WDR41: variants seen among roughly 807,000 people sequenced by gnomAD.
The protein encoded by WDR41 is WD repeat-containing protein 41.
In WDR41, 63 loss-of-function variants were observed where a neutral mutation model predicts 69.3. The observed-to-expected ratio is 0.91, with a 90% CI of 0.74 to 1.12. The LOEUF is 1.12. Among genes scored for constraint, WDR41 ranks in the 50% most tolerant of loss-of-function variants. WDR41 has a pLI of 0.00. For synonymous variants in WDR41, 185 were observed against 192.1 expected, an observed-to-expected ratio of 0.96 and a Z score of 0.31; for missense variants, 543 against 534.5, an observed-to-expected ratio of 1.02 and a Z score of -0.16.
chr5:77,505,609 A>C (rs1281175068), intron 1 of WDR41, among the ~76,000 whole-genome samples: 4 of 152,352 alleles, frequency 2.6e-5, no homozygotes, highest in East Asian at 3.9e-4. Flanking sequence ...ACAAAGCTGG[A>C]GGCATCATGC....
At chr5:77,467,849 A>T (rs893464175) in intron 2 of WDR41, among the ~76,000 whole-genome samples, 1 of 152,048 alleles carries the variant, frequency 6.6e-6, no homozygotes. Context: ...AAACTTAAAA[A>T]TTTAAAACCC....
chr5:77,537,719 G>A (rs1743013309), intron 1 of WDR41, among the ~76,000 whole-genome samples: 1 of 152,100 alleles, frequency 6.6e-6, no homozygotes, highest in South Asian at 2.1e-4. Context: ...CCCTGGGAGG[G>A]TCGGTCTCTC....
upstream of WDR41, among the ~76,000 whole-genome samples, chr5:77,496,947 C>T (rs1801944204): frequency 6.6e-6 from 1 of 152,106 alleles, no homozygotes; most frequent in Non-Finnish European, 1.5e-5. Context: ...TAAACTCTTA[C>T]ATATATGGTC....
intron 1 of WDR41, among the ~76,000 whole-genome samples, chr5:77,544,591 T>C (rs1457505366): frequency 6.6e-6 from 1 of 152,046 alleles, no homozygotes; most frequent in Non-Finnish European, 1.5e-5. Flanking sequence ...TATATAATAA[T>C]AAAAGGCCTT....
rs748176103 is a variant in WDR41 at position 77,489,514 on chromosome 5, A to G, written c.110T>C (p.Leu37Pro). 3.7e-6 allele frequency: 6 copies of G among 1,611,474 alleles called. No individual in the cohort carries two copies. The Admixed American group carries it at 5.0e-5, about 13-fold the overall frequency. The change falls in exon 2 of 13, where the codon CTA (leucine) becomes CCA (proline). Residue 37 changes from leucine (L) to proline (P), a missense_variant. Transcript: ENST00000296679. ...AATATCATGATGAGCCTTCAGTACT[A>G]GCAGTTCAGTGTAGGGATTCTGGGT... is the stretch of plus-strand genomic sequence containing the variant. ...EQTQNPYTEL[L>P]VLKAHHDIVR...
chr5:77,522,741 A>C (rs894687256), intron 1 of WDR41, among the ~76,000 whole-genome samples: 1 of 152,144 alleles, frequency 6.6e-6, no homozygotes, highest in Non-Finnish European at 1.5e-5. Flanking sequence ...AGTTCTCCAA[A>C]GGGGGCAACT....
At chr5:77,564,652 C>A (rs1033136844) in intron 1 of WDR41, among the ~76,000 whole-genome samples, 3 of 152,088 alleles carry the variant, frequency 2.0e-5, no homozygotes, top group African/African-American at 7.2e-5. Flanking sequence ...TCTTTTATCT[C>A]TCTGTACATA....
At chr5:77,512,725 A>C (rs113150509) in intron 1 of WDR41, among the ~76,000 whole-genome samples, 624 of 135,554 alleles carry the variant, frequency 4.6e-3, no homozygotes, top group African/African-American at 0.017. Context: ...TAGCCTGGCG[A>C]GAGAGCGAAG....
intron 1 of WDR41, chr5:77,540,609 G>T (rs1385984652): frequency 6.6e-6 from 1 of 152,106 alleles, no homozygotes; most frequent in African/African-American, 2.4e-5. Flanking sequence ...GGGAGGATGA[G>T]GTGGGAGGAT....
intron 2 of WDR41, among the ~76,000 whole-genome samples, chr5:77,480,520 T>C (rs1240918011): frequency 2.6e-5 from 4 of 152,110 alleles, no homozygotes; most frequent in African/African-American, 2.4e-5. Flanking sequence ...TCATGTCCTT[T>C]GTAGGGACAT....
intron 1 of WDR41, among the ~76,000 whole-genome samples, chr5:77,550,740 A>G (rs1280551982): frequency 6.6e-6 from 1 of 152,178 alleles, no homozygotes; most frequent in Non-Finnish European, 1.5e-5. Flanking sequence ...CTGAATTATA[A>G]CCAAAGACAA....
intron 9 of WDR41, among the ~76,000 whole-genome samples, chr5:77,439,306 A>G (rs1359132253): frequency 6.6e-6 from 1 of 152,164 alleles, no homozygotes; most frequent in Non-Finnish European, 1.5e-5. Flanking sequence ...CAAGACTACA[A>G]ACTCAACTCA....
At chr5:77,525,951 G>A (rs574337478) in intron 1 of WDR41, among the ~76,000 whole-genome samples, 2 of 152,058 alleles carry the variant, frequency 1.3e-5, no homozygotes, top group African/African-American at 2.4e-5. Context: ...TTAGCATTCT[G>A]TGCTTCATTT....
At chr5:77,443,177 T>C (rs914079508) in intron 8 of WDR41, among the ~76,000 whole-genome samples, 1 of 152,088 alleles carries the variant, frequency 6.6e-6, no homozygotes, top group African/African-American at 2.4e-5. Context: ...AAAAATCAAA[T>C]TGAATAATAA....
At chr5:77,525,281 C>T (rs1442160303) in intron 1 of WDR41, among the ~76,000 whole-genome samples, 2 of 152,138 alleles carry the variant, frequency 1.3e-5, no homozygotes, top group African/African-American at 4.8e-5. Flanking sequence ...AATTAAATGT[C>T]ACAAATTATT....
upstream of WDR41, among the ~76,000 whole-genome samples, chr5:77,497,113 C>T (rs1239210909): frequency 1.1e-4 from 16 of 152,046 alleles, no homozygotes; most frequent in East Asian, 1.9e-4. Context: ...AGTCAAATAC[C>T]TAAACTTAAA....
intron 1 of WDR41, among the ~76,000 whole-genome samples, chr5:77,507,678 A>G (rs1802132849): frequency 6.6e-6 from 1 of 152,170 alleles, no homozygotes; most frequent in Non-Finnish European, 1.5e-5. Flanking sequence ...GTTATTCACT[A>G]TTGAGTCAAA....
intron 1 of WDR41, among the ~76,000 whole-genome samples, chr5:77,577,450 CAAAG>C (rs1561229273): frequency 1.3e-5 from 2 of 151,922 alleles, no homozygotes. Context: ...ATTAATAAAA[CAAAG>C]AGAATCATTT....
At chr5:77,602,048 A>G (rs930575151) in intron 1 of WDR41, among the ~76,000 whole-genome samples, 5 of 152,142 alleles carry the variant, frequency 3.3e-5, no homozygotes, top group African/African-American at 1.2e-4. Flanking sequence ...ATCAAACATT[A>G]CAACTTATTC....
Sources: gnomAD v4.1 joint callset for allele counts (sites outside exome capture counted in the v4.1 genomes callset) on GRCh38, gnomAD v4.1.1 for gene constraint, MANE v1.5 for transcripts, NCBI Gene and HGNC (gene_info 2026-07-23, HGNC 2026-07-21) for gene names.